The following EXOC3L4 variants were observed in gnomAD, a reference collection of about 807,000 sequenced individuals.
EXOC3L4 encodes exocyst complex component 3-like protein 4.
EXOC3L4 carries 62 observed loss-of-function variants against 69.7 expected under a neutral mutation model. That is an observed-to-expected ratio of 0.89 (90% CI 0.72 to 1.10). The LOEUF (loss-of-function observed/expected upper bound fraction) is 1.10. EXOC3L4 is among the 50% of genes least tolerant of loss of function. EXOC3L4 has a pLI of 0.00. For synonymous variants in EXOC3L4, 502 were observed against 464.2 expected, an observed-to-expected ratio of 1.08 and a Z score of -1.05; for missense variants, 1,087 against 1,034.8, an observed-to-expected ratio of 1.05 and a Z score of -0.69.
chr14:103,104,836 C>T lies in EXOC3L4; in HGVS notation c.1383C>T (p.Pro461=). 6.7e-7 allele frequency: 1 copy of T among 1,503,144 alleles called. No homozygotes were observed. Among genetic ancestry groups the T allele is most frequent in the African/African-American group, 1.4e-5 (1 of 71,626 alleles). 93.1% of individuals were successfully genotyped at this position (1,503,144 alleles called of 1,614,324 possible). The change falls in exon 6 of 12, where the codon CCC becomes CCT. Residue 461 remains proline, a splice_region_variant and synonymous_variant. Transcript: ENST00000688303. The part of the protein sequence containing the change: ...ICTRALGLFV[P]RFEKAFLASE... Reference sequence around the variant, plus strand: ...CGCGGGCGCTCGGCCTCTTCGTGCCCAGGTGCGGACGCATCCTCAGTAGGG... The same window carrying T: ...CGCGGGCGCTCGGCCTCTTCGTGCCTAGGTGCGGACGCATCCTCAGTAGGG...
intron 11 of EXOC3L4, among the ~76,000 whole-genome samples, chr14:103,108,868 T>TG (rs1056969905): frequency 1.4e-4 from 21 of 152,070 alleles, no homozygotes; most frequent in Admixed American, 3.3e-4. Flanking sequence ...CGGGTTGTGC[T>TG]GGGGGGTCGG....
intron 5 of EXOC3L4, 151 bp downstream of exon 5, chr14:103,104,540 C>T: frequency 1.5e-6 from 2 of 1,339,630 alleles, no homozygotes; most frequent in Non-Finnish European, 1.9e-6. Context: ...TCGGGGACCC[C>T]CGGCGCGCCG....
rs529122463 is a variant in EXOC3L4, at chr14:103,107,738, G to C, written c.1809G>C (p.Lys603Asn). The C allele has an allele frequency of 3.2e-6, 5 of 1,545,628 alleles. No homozygotes were observed. The African/African-American group carries it at 6.8e-5, about 21-fold the overall frequency. ...RGMERMHGSQ[K>N]MSLDAQAISD... ...TGGAGCGCATGCATGGCTCCCAGAA[G>C]ATGAGCCTGGATGCCCAGGCCATCA... The change falls in exon 10 of 12, where the codon AAG becomes AAC. Residue 603 changes from lysine (K) to asparagine (N), a missense_variant. Transcript: ENST00000688303.
At position 103,100,210 on chromosome 14, in the gene EXOC3L4, T is replaced by C; in HGVS notation, c.-10T>C. On this transcript the variant is annotated 5_prime_UTR_variant, in exon 2 of 12. Coordinates refer to ENST00000688303, the MANE Select transcript of EXOC3L4 (RefSeq NM_001077594.2). ...CACTCCTTCTTGCCCCCAGCTCTCC[T>C]GCTGCCAAGATGCCATCACCACAGA... The C allele has an allele frequency of 6.4e-7, 1 of 1,563,000 alleles. No individual in the cohort carries two copies. The highest frequency in any genetic ancestry group is 8.7e-7 in the Non-Finnish European group (1 of 1,149,506).
intron 7 of EXOC3L4, 53 bp downstream of exon 7, chr14:103,105,125 G>A: frequency 6.4e-7 from 1 of 1,554,556 alleles, no homozygotes; most frequent in Non-Finnish European, 8.7e-7. Context: ...GGGGGCGCGC[G>A]AGCGCCGGGA....
chr14:103,104,714 C>T, intron 5 of EXOC3L4, 24 bp from the exon 6 acceptor site: 2 of 1,463,394 alleles, frequency 1.4e-6, no homozygotes, highest in Non-Finnish European at 1.8e-6. Flanking sequence ...GGGAGGCACG[C>T]TCAGTGCGGG....
At chr14:103,100,735 G>A (rs576599059) in intron 2 of EXOC3L4, 122 bp downstream of exon 2, 3 of 1,262,582 alleles carry the variant, frequency 2.4e-6, no homozygotes, top group Admixed American at 2.8e-5. Context: ...CCGAACATGT[G>A]CAATTCTTTA....
In EXOC3L4 at chr14:103,097,698, G is replaced by A. The variant is rs1355129953; in HGVS notation, c.-16-2506G>A. Among the ~76,000 whole-genome samples, 1 of 152,196 alleles carries A rather than the reference G, an allele frequency of 6.6e-6. No homozygotes were observed. The highest frequency in any genetic ancestry group is 2.4e-5 in the African/African-American group (1 of 41,442). On this transcript the variant is annotated intron_variant, in intron 1 of 11. Coordinates refer to ENST00000688303, the MANE Select transcript of EXOC3L4 (RefSeq NM_001077594.2). This position sits in a 1 kb window ranked among gnomAD's most constrained non-coding sequence, Gnocchi z 4.9. ...CCGAGTACCCACTGAGCAGATAGAT[G>A]GTGACGGCCGGTGGTGCAAGGCATC... is the stretch of plus-strand genomic sequence containing the variant.
chr14:103,104,177 G>T, intron 4 of EXOC3L4, 90 bp from the exon 5 acceptor site: 1 of 1,445,916 alleles, frequency 6.9e-7, no homozygotes, highest in Non-Finnish European at 9.1e-7. Context: ...CCCGGCGCGG[G>T]CTTGTGACCC....
chr14:103,096,988 T>C (rs1889920382), intron 1 of EXOC3L4, among the ~76,000 whole-genome samples: 1 of 151,906 alleles, frequency 6.6e-6, no homozygotes, highest in Non-Finnish European at 1.5e-5. Flanking sequence ...CTTTGGAGCG[T>C]TGAGGAGTGG....
chr14:103,098,073 T>G (rs1329361670), intron 1 of EXOC3L4, among the ~76,000 whole-genome samples: 1 of 151,936 alleles, frequency 6.6e-6, no homozygotes, highest in African/African-American at 2.4e-5. Context: ...GAAGGTGGCA[T>G]GGCTGGAGGC....
At position 103,104,032 on chromosome 14, in the gene EXOC3L4, G is replaced by A; in HGVS notation, c.1141G>A (p.Asp381Asn). 1 of 1,576,332 alleles carries A rather than the reference G, an allele frequency of 6.3e-7. No homozygotes were observed. Among genetic ancestry groups the A allele is most frequent in the Non-Finnish European group, 8.6e-7 (1 of 1,165,766 alleles). The stretch of plus-strand genomic sequence containing the variant: ...GGACGTGTGGGCCCGACTGGAGAGC[G>A]ACTACACCAGCTTCCTGGAGGTCAG... Reference protein sequence around the residue: ...APDVWARLESDYTSFLEAKIA... With the variant: ...APDVWARLESNYTSFLEAKIA... The change falls in exon 4 of 12, where the codon GAC (aspartate) becomes AAC (asparagine). Residue 381 changes from aspartate (D) to asparagine (N), a missense_variant. Physicochemically the swap from Asp to Asn is conservative, Grantham distance 23. Transcript: ENST00000688303.
Position 103,110,240 on chromosome 14 carries a change from G to T in EXOC3L4, c.*17G>T, listed in dbSNP as rs573190605. The T allele has an allele frequency of 5.3e-6, 8 of 1,497,980 alleles. No individual in the cohort carries two copies. The highest frequency in any genetic ancestry group is 3.9e-5 in the South Asian group (3 of 76,882). 92.8% of individuals were successfully genotyped at this position (1,497,980 alleles called of 1,614,324 possible). A position where few individuals can be genotyped will look rare whatever the true frequency, so the allele number is the denominator to read the frequency against. ...TGCGTCTAGTTCTCTCTGGCTCGAGGGGGGGCCGGCCGCTGGCAGGGAGCT... is the reference window on the plus strand; with the variant it reads ...TGCGTCTAGTTCTCTCTGGCTCGAGTGGGGGCCGGCCGCTGGCAGGGAGCT... On this transcript the variant is annotated 3_prime_UTR_variant, in exon 12 of 12. Coordinates refer to ENST00000688303, the MANE Select transcript of EXOC3L4 (RefSeq NM_001077594.2).
intron 2 of EXOC3L4, 123 bp downstream of exon 2, chr14:103,100,736 C>A: frequency 8.0e-7 from 1 of 1,254,502 alleles, no homozygotes; most frequent in Non-Finnish European, 1.1e-6. Flanking sequence ...CGAACATGTG[C>A]AATTCTTTAT....
Position 103,102,101 on chromosome 14 carries a change from C to T in EXOC3L4, c.395-17C>T. The T allele has an allele frequency of 6.3e-7, 1 of 1,585,448 alleles. No individual in the cohort carries two copies. The highest frequency in any genetic ancestry group is 8.6e-7 in the Non-Finnish European group (1 of 1,166,492). ...TGGGGCGGTCCCTCTCACCGCCCTT[C>T]TCGCCCGCCTGTGCAGAAGGCAAAT... On this transcript the variant is annotated splice_polypyrimidine_tract_variant and intron_variant, in intron 2 of 11. Coordinates refer to ENST00000688303, the MANE Select transcript of EXOC3L4 (RefSeq NM_001077594.2).
Position 103,097,955 on chromosome 14 carries a change from G to A in EXOC3L4, c.-16-2249G>A, listed in dbSNP as rs963379456. On this transcript the variant is annotated intron_variant, in intron 1 of 11. Transcript: ENST00000688303. The surrounding 1 kb of genome is among the most constrained non-coding windows in gnomAD (Gnocchi z 4.9). ...GGATGGATGCCCGGCTGTGGGGCTC[G>A]GGCAGGAGGGAACCATGGAAGGGCT... 1.3e-5 allele frequency among the ~76,000 whole-genome samples: 2 copies of A among 152,046 alleles called. No individual in the cohort carries two copies. Among genetic ancestry groups the A allele is most frequent in the Non-Finnish European group, 2.9e-5 (2 of 67,990 alleles).
At chr14:103,096,218 G>T (rs942595038) in intron 1 of EXOC3L4, among the ~76,000 whole-genome samples, 1 of 152,136 alleles carries the variant, frequency 6.6e-6, no homozygotes, top group African/African-American at 2.4e-5. Flanking sequence ...GCCAGGCATG[G>T]TGTTGCGCAC....
At chr14:103,103,348 C>G (rs1382214780) in intron 3 of EXOC3L4, among the ~76,000 whole-genome samples, 29 of 71,364 alleles carry the variant, frequency 4.1e-4, no homozygotes, top group Non-Finnish European at 2.3e-4. Flanking sequence ...GAGCAAGACT[C>G]TGTCTCAAAA....
chr14:103,107,724 C>T lies in EXOC3L4; in HGVS notation c.1795C>T (p.His599Tyr). 6.4e-7 allele frequency: 1 copy of T among 1,550,928 alleles called. No homozygotes were observed. Among genetic ancestry groups the T allele is most frequent in the Non-Finnish European group, 8.7e-7 (1 of 1,145,634 alleles). Residue 599 changes from histidine to tyrosine, a missense_variant, in exon 10 of 12, where the codon CAT (histidine) becomes TAT (tyrosine). Coordinates refer to ENST00000688303, the MANE Select transcript of EXOC3L4 (RefSeq NM_001077594.2). ...GCGGTTCCGGGGCATGGAGCGCATG[C>T]ATGGCTCCCAGAAGATGAGCCTGGA... Reference protein sequence around the residue: ...RERFRGMERMHGSQKMSLDAQ... With the variant: ...RERFRGMERMYGSQKMSLDAQ...
Sources: gnomAD v4.1 joint callset for allele counts (sites outside exome capture counted in the v4.1 genomes callset) on GRCh38, gnomAD v4.1.1 for gene constraint, Gnocchi (gnomAD v3.1) non-coding constraint, MANE v1.5 for transcripts, NCBI Gene and HGNC (gene_info 2026-07-23, HGNC 2026-07-21) for gene names.